Variants in ATXN1 observed in about 807,000 individuals in gnomAD.
The protein encoded by ATXN1 is ataxin-1.
ATXN1 carries 8 observed loss-of-function variants against 56.4 expected under a neutral mutation model. The ratio of observed to expected loss-of-function variants is 0.14; its 90% confidence interval spans 0.08 to 0.26. ATXN1 has a LOEUF of 0.26. Ranked by LOEUF, ATXN1 falls within the 10% of genes least tolerant of loss-of-function variation. The pLI, the probability that ATXN1 is intolerant of heterozygous loss-of-function variation, is 1.00. For missense variants in ATXN1, 987 were observed against 1,106.5 expected (o/e 0.89, Z 1.53); for synonymous variants, 514 against 494.6 (o/e 1.04, Z -0.52).
At chr6:16,648,939 AT>A (rs1482382360) in intron 3 of ATXN1, among the ~76,000 whole-genome samples, 1 of 151,938 alleles carries the variant, frequency 6.6e-6, no homozygotes, top group Non-Finnish European at 1.5e-5. Context: ...AAAAAACTCT[AT>A]TTTATATATG....
intron 2 of ATXN1, among the ~76,000 whole-genome samples, chr6:16,692,835 C>A (rs538715711): frequency 6.6e-6 from 1 of 152,166 alleles, no homozygotes; most frequent in Non-Finnish European, 1.5e-5. Context: ...CTCAAATTGG[C>A]AGATCTGGGT....
intron 3 of ATXN1, among the ~76,000 whole-genome samples, chr6:16,607,916 T>C (rs1763039242): frequency 6.6e-6 from 1 of 152,182 alleles, no homozygotes; most frequent in Non-Finnish European, 1.5e-5. Context: ...CAATCGGTGG[T>C]GAGACAATAG....
intron 6 of ATXN1, among the ~76,000 whole-genome samples, chr6:16,453,075 G>T (rs1266368250): frequency 6.6e-6 from 1 of 152,134 alleles, no homozygotes; most frequent in East Asian, 1.9e-4. Context: ...ATTTGGTGTG[G>T]AGGAAAAGTT....
chr6:16,447,531 A>AT (rs752448202), intron 6 of ATXN1, among the ~76,000 whole-genome samples: 2 of 152,096 alleles, frequency 1.3e-5, no homozygotes, highest in African/African-American at 2.4e-5. Flanking sequence ...GCCTATTTTT[A>AT]TTTTTTATCA....
intron 5 of ATXN1, among the ~76,000 whole-genome samples, chr6:16,509,587 GTC>G (rs1357778610): frequency 1.3e-5 from 2 of 152,084 alleles, no homozygotes; most frequent in East Asian, 3.9e-4. Context: ...ATCGCATCTA[GTC>G]TCTATTTTCC....
chr6:16,471,952 G>A (rs1326877875), intron 6 of ATXN1, among the ~76,000 whole-genome samples: 1 of 152,090 alleles, frequency 6.6e-6, no homozygotes, highest in Non-Finnish European at 1.5e-5. Flanking sequence ...GAAAAGTTCT[G>A]CTCTTTCAGA....
At chr6:16,571,197 C>T (rs140778898) in intron 4 of ATXN1, among the ~76,000 whole-genome samples, 41 of 152,270 alleles carry the variant, frequency 2.7e-4, no homozygotes, top group African/African-American at 9.4e-4. Flanking sequence ...ACTCATCAGG[C>T]ACTCTGAGAA....
rs1307262026 is a variant in ATXN1, at chr6:16,760,684, CA to C, written c.-730+613del. Among the ~76,000 whole-genome samples the C allele has an allele frequency of 1.5e-4, 23 of 151,280 alleles. No individual in the cohort carries two copies. Among genetic ancestry groups the C allele is most frequent in the African/African-American group, 5.5e-4 (23 of 41,458 alleles). On this transcript the variant is annotated intron_variant, in intron 1 of 7. Transcript: ENST00000436367. This position sits in a 1 kb window ranked among gnomAD's most constrained non-coding sequence, Gnocchi z 5.3. ...GCCCTCCGAGGGGAGACCCCCGCCC[CA>C]GGGCGCCGAGGCCGGGCGACCACCC... is the stretch of plus-strand genomic sequence containing the variant.
intron 3 of ATXN1, among the ~76,000 whole-genome samples, chr6:16,637,870 C>A (rs150387851): frequency 9.8e-4 from 149 of 152,274 alleles, no homozygotes; most frequent in Non-Finnish European, 1.9e-3. Flanking sequence ...ATCAGTCAAA[C>A]ATGATATTAT....
chr6:16,315,894 C>T (rs971563687), intron 7 of ATXN1, among the ~76,000 whole-genome samples: 1 of 152,152 alleles, frequency 6.6e-6, no homozygotes, highest in Admixed American at 6.5e-5. Context: ...GTTGGCCTGG[C>T]TGGTTTCAAA....
chr6:16,346,724 GCCCTCA>G (rs1761402348), intron 6 of ATXN1, among the ~76,000 whole-genome samples: 1 of 143,596 alleles, frequency 7.0e-6, no homozygotes, highest in African/African-American at 3.0e-5. Flanking sequence ...CATACTGGCA[GCCCTCA>G]CAGCCCTCAC....
chr6:16,526,302 T>C (rs1002223290), intron 4 of ATXN1, among the ~76,000 whole-genome samples: 2 of 152,124 alleles, frequency 1.3e-5, no homozygotes, highest in Non-Finnish European at 2.9e-5. Context: ...GACTACATAT[T>C]GTGGTAGCAT....
intron 6 of ATXN1, among the ~76,000 whole-genome samples, chr6:16,331,152 C>T (rs1029833256): frequency 5.9e-5 from 9 of 152,160 alleles, no homozygotes; most frequent in Admixed American, 1.3e-4. Flanking sequence ...AGGCGGCTGC[C>T]GCCATGCCTG....
intron 6 of ATXN1, among the ~76,000 whole-genome samples, chr6:16,418,075 C>T (rs1255297615): frequency 1.3e-5 from 2 of 152,238 alleles, no homozygotes; most frequent in East Asian, 3.9e-4. Flanking sequence ...GGTCCCAACG[C>T]TCTGGTGTAG....
intron 5 of ATXN1, among the ~76,000 whole-genome samples, chr6:16,492,305 A>G (rs912444737): frequency 1.4e-4 from 22 of 152,176 alleles, no homozygotes; most frequent in African/African-American, 5.1e-4. Context: ...GGATAGCATT[A>G]GGAGATATAC....
rs897802461 is a variant in ATXN1 at position 16,761,340 on chromosome 6, G to A, written c.-772C>T. On this transcript the variant is annotated 5_prime_UTR_variant, in exon 1 of 8. Coordinates refer to ENST00000436367, the MANE Select transcript of ATXN1 (RefSeq NM_001128164.2). ...TCTGGGGTTGCGTGGGGAAGGGGGG[G>A]CAGAGGGAGAGAAACAATGTCTTGC... 3 of 456,024 alleles carry A rather than the reference G, an allele frequency of 6.6e-6. No individual in the cohort carries two copies. The highest frequency in any genetic ancestry group is 2.4e-5 in the Admixed American group (1 of 42,518). The allele number at this position is 456,024 out of a possible 1,614,324, so 28.2% of individuals were successfully genotyped here. A position where few individuals can be genotyped will look rare whatever the true frequency, so the allele number is the denominator to read the frequency against.
rs374338186 is a variant in ATXN1, at chr6:16,327,404, G to A, written c.907C>T (p.Arg303Trp). Residue 303 changes from arginine (R) to tryptophan (W), a missense_variant, in exon 7 of 8, where the codon CGG becomes TGG. Arg to Trp is a moderately radical substitution (Grantham distance 101, BLOSUM62 -3). Coordinates refer to ENST00000436367, the MANE Select transcript of ATXN1 (RefSeq NM_001128164.2). The stretch of plus-strand genomic sequence containing the variant: ...CTCTCAGCTTTCTTGGTGGCCTCCC[G>A]AGGGACAAAGTGGCTGCCGGAGTCG... ...YADSGSHFVP[R>W]EATKKAESSR... 11 of 1,613,660 alleles carry A rather than the reference G, an allele frequency of 6.8e-6. No individual in the cohort carries two copies. The highest frequency in any genetic ancestry group is 1.6e-4 in the Middle Eastern group (1 of 6,062).
intron 3 of ATXN1, among the ~76,000 whole-genome samples, chr6:16,649,277 A>G (rs1230495042): frequency 6.6e-6 from 1 of 152,056 alleles, no homozygotes; most frequent in Non-Finnish European, 1.5e-5. Context: ...CAGAATTCTT[A>G]GAAATGAAAA....
chr6:16,370,818 A>G (rs941314155), intron 6 of ATXN1, among the ~76,000 whole-genome samples: 1 of 152,240 alleles, frequency 6.6e-6, no homozygotes. Flanking sequence ...AATGAAGTAA[A>G]GCCAGAAAAA....
Sources: allele counts gnomAD v4.1 joint callset (sites outside exome capture counted in the v4.1 genomes callset), GRCh38; gene constraint gnomAD v4.1.1; non-coding constraint Gnocchi (gnomAD v3.1); transcripts MANE v1.5; gene names NCBI Gene and HGNC (gene_info 2026-07-23, HGNC 2026-07-21).